KALRN: variants seen among roughly 807,000 people sequenced by gnomAD.
The protein encoded by KALRN is kalirin.
A neutral mutation model predicts 353.7 loss-of-function variants in KALRN; 70 were observed. The observed-to-expected ratio is 0.20, with a 90% CI of 0.16 to 0.24. KALRN has a LOEUF of 0.24. Among genes scored for constraint, KALRN ranks in the 10% least tolerant of loss-of-function variants. KALRN has a pLI of 1.00. For missense variants in KALRN, 2,791 were observed against 3,756.7 expected, an observed-to-expected ratio of 0.74 and a Z score of 6.72; for synonymous variants, 1,391 against 1,434.8, an observed-to-expected ratio of 0.97 and a Z score of 0.69.
chr3:124,529,883 G>C (rs1386670850), intron 33 of KALRN, among the ~76,000 whole-genome samples: 1 of 151,984 alleles, frequency 6.6e-6, no homozygotes, highest in Non-Finnish European at 1.5e-5. Context: ...AGAAACAACT[G>C]CTATGAGAAG....
intron 6 of KALRN, among the ~76,000 whole-genome samples, chr3:124,324,746 C>T (rs757153664): frequency 2.0e-5 from 3 of 152,220 alleles, no homozygotes; most frequent in Non-Finnish European, 2.9e-5. Context: ...ACAGCTAAGA[C>T]GAATGCGGAC....
At chr3:124,327,728 T>A (rs1185006421) in intron 7 of KALRN, among the ~76,000 whole-genome samples, 1 of 152,230 alleles carries the variant, frequency 6.6e-6, no homozygotes, top group Non-Finnish European at 1.5e-5. Flanking sequence ...CTTCTACAAT[T>A]CTTTCTTTGC....
At chr3:124,295,674 C>A (rs148069420) in intron 5 of KALRN, among the ~76,000 whole-genome samples, 176 of 152,226 alleles carry the variant, frequency 1.2e-3, no homozygotes, top group African/African-American at 4.1e-3. Context: ...ATGGAGTGAG[C>A]GCTTTTCATC....
chr3:124,163,946 A>C (rs774920602), intron 1 of KALRN: 4 of 985,364 alleles, frequency 4.1e-6, no homozygotes, highest in Non-Finnish European at 4.8e-6. Flanking sequence ...CATAGCTCAC[A>C]GTCCAGCTTG....
In KALRN at chr3:124,095,011, A is replaced by C. The variant is rs2061348824; in HGVS notation, c.73+61198A>C. On this transcript the variant is annotated intron_variant, in intron 1 of 59. Coordinates refer to ENST00000682506, the MANE Select transcript of KALRN (RefSeq NM_001388419.1). ...CACAGCAGAGAGGGGAGGGGGGTCAAGAAGAGAGAGAAGGAATGAAACAGA... is the reference window on the plus strand; with the variant it reads ...CACAGCAGAGAGGGGAGGGGGGTCACGAAGAGAGAGAAGGAATGAAACAGA... The C allele has an allele frequency of 2.9e-6, 3 of 1,028,234 alleles. No homozygotes were observed. The Admixed American group carries it at 5.8e-5, about 20-fold the overall frequency. 63.7% of individuals were successfully genotyped at this position (1,028,234 alleles called of 1,614,324 possible).
chr3:124,432,930 A>G (rs3755671), intron 16 of KALRN, among the ~76,000 whole-genome samples: 12,211 of 152,310 alleles, frequency 0.08, 617 homozygotes, highest in East Asian at 0.19. Flanking sequence ...AATGAAAGGT[A>G]GGCAGAGTCT....
chr3:124,540,121 A>C (rs531674803), intron 33 of KALRN, among the ~76,000 whole-genome samples: 2 of 151,830 alleles, frequency 1.3e-5, no homozygotes. Context: ...GGGTTTTGCC[A>C]TGTTGCCCAG....
intron 5 of KALRN, among the ~76,000 whole-genome samples, chr3:124,289,506 T>G (rs973220204): frequency 6.6e-6 from 1 of 151,986 alleles, no homozygotes; most frequent in Non-Finnish European, 1.5e-5. Flanking sequence ...AAAAAATAAA[T>G]AAAAAGGTGG....
rs189752417 is a variant in KALRN at position 124,337,126 on chromosome 3, G to A, written c.1647+2631G>A. 7.9e-5 allele frequency among the ~76,000 whole-genome samples: 12 copies of A among 152,210 alleles called. No individual in the cohort carries two copies. In the East Asian group the frequency reaches 1.9e-3, roughly 24 times the overall value. Reference sequence around the variant, plus strand: ...AAACAAAGACAATTTGACTTCCTCTGTTCCTATTTGAATACCCTTTATTTC... The same window carrying A: ...AAACAAAGACAATTTGACTTCCTCTATTCCTATTTGAATACCCTTTATTTC... On this transcript the variant is annotated intron_variant, in intron 9 of 59. Coordinates refer to ENST00000682506, the MANE Select transcript of KALRN (RefSeq NM_001388419.1).
chr3:124,474,230 A>G (rs547284056), intron 25 of KALRN, among the ~76,000 whole-genome samples: 165 of 152,336 alleles, frequency 1.1e-3, no homozygotes, highest in Non-Finnish European at 1.9e-3. Flanking sequence ...CAAAAATTAG[A>G]AAGAGGCCAG....
At chr3:124,475,345 C>T (rs543406001) in intron 26 of KALRN, among the ~76,000 whole-genome samples, 1 of 152,240 alleles carries the variant, frequency 6.6e-6, no homozygotes, top group South Asian at 2.1e-4. Flanking sequence ...TATCATGGGC[C>T]AAGTAAAGGG....
At chr3:124,044,856 TCCC>T (rs1559863399) in intron 1 of KALRN, among the ~76,000 whole-genome samples, 3 of 76,116 alleles carry the variant, frequency 3.9e-5, no homozygotes, top group African/African-American at 7.3e-5. Flanking sequence ...CCTCCCTCCC[TCCC>T]TCCTTCCTTC....
At chr3:124,638,796 G>A (rs1246459192) in intron 37 of KALRN, among the ~76,000 whole-genome samples, 3 of 152,126 alleles carry the variant, frequency 2.0e-5, no homozygotes, top group African/African-American at 7.2e-5. Context: ...ACTTACTGGG[G>A]TATGGGAAGA....
chr3:124,129,071 C>T (rs1026951357), intron 1 of KALRN, among the ~76,000 whole-genome samples: 83 of 152,030 alleles, frequency 5.5e-4, no homozygotes, highest in African/African-American at 1.5e-3. Flanking sequence ...AGTAAAACTG[C>T]GTACAGCCGT....
chr3:124,330,144 T>C, intron 8 of KALRN, 152 bp downstream of exon 8: 1 of 848,032 alleles, frequency 1.2e-6, no homozygotes, highest in Non-Finnish European at 1.8e-6. Context: ...TTAGGAACCT[T>C]GATCTATGAA....
intron 6 of KALRN, among the ~76,000 whole-genome samples, chr3:124,308,435 A>G (rs542856480): frequency 1.2e-4 from 18 of 152,140 alleles, no homozygotes; most frequent in African/African-American, 4.1e-4. Flanking sequence ...AACAAACCTC[A>G]TGAAATAAAA....
At chr3:124,667,247 T>G (rs569362893) in intron 47 of KALRN, 64 bp downstream of exon 47, 2 of 1,456,802 alleles carry the variant, frequency 1.4e-6, no homozygotes, top group East Asian at 2.4e-5. Context: ...CTGAGCTTCC[T>G]TGGGTCTAGG....
At chr3:124,275,774 G>T (rs1235614507) in intron 5 of KALRN, among the ~76,000 whole-genome samples, 2 of 152,142 alleles carry the variant, frequency 1.3e-5, no homozygotes, top group African/African-American at 4.8e-5. Context: ...ACAAAATTCA[G>T]AATTGATTTT....
Position 124,671,857 on chromosome 3 carries a change from T to C in KALRN, c.6901T>C (p.Phe2301Leu), listed in dbSNP as rs752973251. The C allele has an allele frequency of 2.3e-5, 37 of 1,613,860 alleles. No homozygotes were observed. The African/African-American group carries it at 4.8e-4, about 21-fold the overall frequency. Reference sequence around the variant, plus strand: ...ATCTACCTCCAATGGCAGTCCAGGGTTTGAATACCACCAGCCTGGGGACAA... The same window carrying C: ...ATCTACCTCCAATGGCAGTCCAGGGCTTGAATACCACCAGCCTGGGGACAA... ...KISTSNGSPGFEYHQPGDKFE... is the reference protein window; with the variant it reads ...KISTSNGSPGLEYHQPGDKFE... Residue 2301 changes from phenylalanine to leucine, a missense_variant, in exon 48 of 60, where the codon TTT becomes CTT. This residue lies in a region of KALRN where 1,065 missense variants were observed against 1,156.4 expected (regional missense o/e 0.92). Coordinates refer to ENST00000682506, the MANE Select transcript of KALRN (RefSeq NM_001388419.1).
Sources: allele counts gnomAD v4.1 joint callset (sites outside exome capture counted in the v4.1 genomes callset), GRCh38; gene constraint gnomAD v4.1.1; regional missense constraint gnomAD v4.1.1; transcripts MANE v1.5; gene names NCBI Gene and HGNC (gene_info 2026-07-23, HGNC 2026-07-21).